The following CCDC3 variants were observed in gnomAD, a reference collection of about 807,000 sequenced individuals.
CCDC3 encodes the protein coiled-coil domain-containing protein 3.
A neutral mutation model predicts 21.4 loss-of-function variants in CCDC3; 24 were observed. That is an observed-to-expected ratio of 1.12 (90% CI 0.81 to 1.58). The LOEUF is 1.58. CCDC3 is among the 40% of genes most tolerant of loss of function. The probability of loss-of-function intolerance (pLI) is 0.00; values close to 1 mark genes in which losing one functional copy is unlikely to be tolerated. For synonymous variants in CCDC3, 186 were observed against 166.0 expected, an observed-to-expected ratio of 1.12 and a Z score of -0.93; for missense variants, 425 against 360.9, an observed-to-expected ratio of 1.18 and a Z score of -1.44.
At chr10:13,004,395 C>G (rs1835901666), upstream of CCDC3, among the ~76,000 whole-genome samples, 1 of 152,122 alleles carries the variant, frequency 6.6e-6, no homozygotes. Context: ...GTGAAAGAAG[C>G]AATGCTGTGG....
chr10:13,005,124 C>T (rs893601955), upstream of CCDC3, among the ~76,000 whole-genome samples: 12 of 152,186 alleles, frequency 7.9e-5, no homozygotes, highest in African/African-American at 2.9e-4. Flanking sequence ...TAGCATACAA[C>T]AAAATCTGCT....
chr10:12,909,979 C>T (rs1170305787), intron 2 of CCDC3, among the ~76,000 whole-genome samples: 1 of 152,228 alleles, frequency 6.6e-6, no homozygotes, highest in Non-Finnish European at 1.5e-5. Flanking sequence ...ACCCCAAGGG[C>T]TCCTGGCCAT....
At chr10:13,041,815 C>G (rs1354435209) in intron 5 of CCDC3, among the ~76,000 whole-genome samples, 1 of 151,856 alleles carries the variant, frequency 6.6e-6, no homozygotes, top group East Asian at 1.9e-4. Flanking sequence ...TGGAGGCTCC[C>G]AGAAGAGACC....
chr10:12,920,195 G>A (rs1834427113), intron 2 of CCDC3, among the ~76,000 whole-genome samples: 1 of 152,144 alleles, frequency 6.6e-6, no homozygotes, highest in African/African-American at 2.4e-5. Flanking sequence ...CGTCTTACAT[G>A]GCGGCAGGCA....
intron 2 of CCDC3, among the ~76,000 whole-genome samples, chr10:12,980,684 C>T (rs557264): frequency 0.67 from 101,147 of 151,750 alleles, 34,361 homozygotes; most frequent in East Asian, 0.88. Flanking sequence ...TAAATGATCA[C>T]TTCCTATTTA....
chr10:13,066,114 T>C (rs1467623165), intron 4 of CCDC3, among the ~76,000 whole-genome samples: 2 of 152,216 alleles, frequency 1.3e-5, no homozygotes, highest in Middle Eastern at 3.4e-3. Flanking sequence ...TTCATTAGAA[T>C]ATCTGGAGTT....
At chr10:12,904,020 T>G (rs1834131405) in intron 2 of CCDC3, among the ~76,000 whole-genome samples, 1 of 152,190 alleles carries the variant, frequency 6.6e-6, no homozygotes, top group Non-Finnish European at 1.5e-5. Context: ...CTGCTGTTAC[T>G]CAGTTTTCTG....
intron 2 of CCDC3, among the ~76,000 whole-genome samples, chr10:12,984,836 G>C (rs1490452565): frequency 6.6e-6 from 1 of 152,182 alleles, no homozygotes; most frequent in Non-Finnish European, 1.5e-5. Context: ...CTGTATATGA[G>C]ACGTCCAGAG....
rs185142294 is a variant in CCDC3 at position 13,013,118 on chromosome 10, T to C, written c.-1-14606A>G. 1.5e-4 allele frequency among the ~76,000 whole-genome samples: 23 copies of C among 152,342 alleles called. 1 individual carries two copies. Among genetic ancestry groups the C allele is most frequent in the Admixed American group, 1.0e-3 (16 of 15,302 alleles). On this transcript the variant is annotated intron_variant, in intron 5 of 6. Coordinates refer to the CCDC3 transcript ENST00000378839. ...AGTATTAAAACTGCACTAAGTCTTT[T>C]GGGACACACACACATATTTCCTAGC... is the stretch of plus-strand genomic sequence containing the variant.
chr10:13,040,687 TCACACACACACACACACACA>T lies in CCDC3; in HGVS notation c.-2+8967_-2+8986del, dbSNP rs10653974. ...CCTGGGCAACAAGAGCAAAACTCTG[TCACACACACACACACACACA>T]CACACACACACACACACACAAAGTA... On this transcript the variant is annotated intron_variant, in intron 5 of 6. Coordinates refer to the CCDC3 transcript ENST00000378839. Among the ~76,000 whole-genome samples, 4 of 142,850 alleles carry T rather than the reference TCACACACACACACACACACA, an allele frequency of 2.8e-5. No homozygotes were observed. The South Asian group carries it at 9.3e-4, about 33-fold the overall frequency. The allele number at this position is 142,850 out of a possible 152,430, so 93.7% of individuals were successfully genotyped here. A position where few individuals can be genotyped will look rare whatever the true frequency, so the allele number is the denominator to read the frequency against.
intron 3 of CCDC3, among the ~76,000 whole-genome samples, chr10:13,097,150 C>T (rs1166648726): frequency 1.3e-5 from 2 of 152,174 alleles, no homozygotes; most frequent in Non-Finnish European, 2.9e-5. Flanking sequence ...CCACACTGCT[C>T]TACATTTACC....
chr10:13,039,412 G>A lies in CCDC3; in HGVS notation c.-2+10262C>T, dbSNP rs530516515. Among the ~76,000 whole-genome samples the A allele has an allele frequency of 2.3e-3, 325 of 141,648 alleles. 1 individual carries two copies. Among genetic ancestry groups the A allele is most frequent in the African/African-American group, 8.0e-3 (305 of 38,324 alleles). 92.9% of individuals were successfully genotyped at this position (141,648 alleles called of 152,430 possible). ...CACTCCAGCCTGGGCGACAGAACAA[G>A]ACTCTGTCTCAAAAAAAAAAAAAGG... On this transcript the variant is annotated intron_variant, in intron 5 of 6. Transcript: ENST00000378839.
At chr10:12,998,651 A>G (rs1835800170) in intron 1 of CCDC3, 139 bp from the exon 2 acceptor site, 3 of 706,408 alleles carry the variant, frequency 4.2e-6, no homozygotes, top group Non-Finnish European at 7.0e-6. Flanking sequence ...AGGAGTTACT[A>G]CTTCTAATTA....
At chr10:13,064,702 C>T (rs1298867017) in intron 4 of CCDC3, among the ~76,000 whole-genome samples, 5 of 152,054 alleles carry the variant, frequency 3.3e-5, no homozygotes, top group Non-Finnish European at 5.9e-5. Context: ...AGGAGAATGG[C>T]GTGAACCTGG....
At chr10:12,931,692 C>T (rs1031005430) in intron 2 of CCDC3, among the ~76,000 whole-genome samples, 6 of 152,202 alleles carry the variant, frequency 3.9e-5, no homozygotes, top group African/African-American at 1.4e-4. Flanking sequence ...CTGACCAAAC[C>T]TCTCTAATAT....
intron 2 of CCDC3, among the ~76,000 whole-genome samples, chr10:12,914,883 T>C (rs1169050580): frequency 6.6e-6 from 1 of 152,188 alleles, no homozygotes; most frequent in Non-Finnish European, 1.5e-5. Flanking sequence ...CCTTCTAACT[T>C]TGGGCTTAGT....
chr10:12,957,644 C>G (rs55728504), intron 2 of CCDC3, among the ~76,000 whole-genome samples: 1 of 151,744 alleles, frequency 6.6e-6, no homozygotes, highest in Non-Finnish European at 1.5e-5. Flanking sequence ...AGAGTTCTCT[C>G]GAGATCTGAT....
At chr10:12,956,981 A>G (rs1433133813) in intron 2 of CCDC3, among the ~76,000 whole-genome samples, 1 of 152,234 alleles carries the variant, frequency 6.6e-6, no homozygotes, top group Admixed American at 6.5e-5. Context: ...AGCTAATTAT[A>G]AATCCTTTCT....
At chr10:13,005,538 C>G (rs565758883), upstream of CCDC3, among the ~76,000 whole-genome samples, 1 of 152,332 alleles carries the variant, frequency 6.6e-6, no homozygotes, top group South Asian at 2.1e-4. Context: ...GGCATTCAAT[C>G]TCTACCACAG....
Sources: gnomAD v4.1 joint callset for allele counts (sites outside exome capture counted in the v4.1 genomes callset) on GRCh38, gnomAD v4.1.1 for gene constraint, MANE v1.5 for transcripts, NCBI Gene and HGNC (gene_info 2026-07-23, HGNC 2026-07-21) for gene names.